Variants in RNF13 observed in about 807,000 individuals in gnomAD.
RNF13 encodes ring finger protein 13, also known as E3 ubiquitin-protein ligase RNF13.
In RNF13, 19 loss-of-function variants were observed where a neutral mutation model predicts 37.7. The ratio of observed to expected loss-of-function variants is 0.50; its 90% CI spans 0.35 to 0.74. The LOEUF is 0.74. Among genes scored for constraint, RNF13 ranks in the 30% least tolerant of loss-of-function variants. The pLI, the probability that RNF13 is intolerant of heterozygous loss-of-function variation, is 0.01. For synonymous variants in RNF13, 144 were observed against 157.8 expected, an observed-to-expected ratio of 0.91 and a Z score of 0.65; for missense variants, 375 against 453.0, an observed-to-expected ratio of 0.83 and a Z score of 1.56.
At chr3:149,939,349 G>A in intron 8 of RNF13, 1 of 455,736 alleles carries the variant, frequency 2.2e-6, no homozygotes, top group Non-Finnish European at 4.2e-6. Context: ...TTTTTCTGTG[G>A]AACTTTTCTG....
intron 1 of RNF13, among the ~76,000 whole-genome samples, chr3:149,828,438 A>G (rs1368341129): frequency 1.3e-5 from 2 of 152,220 alleles, no homozygotes; most frequent in Non-Finnish European, 2.9e-5. Context: ...AATACCTTCA[A>G]GTACACTGTG....
intron 4 of RNF13, among the ~76,000 whole-genome samples, chr3:149,876,003 A>C (rs1474316514): frequency 3.0e-5 from 3 of 99,082 alleles, no homozygotes; most frequent in Non-Finnish European, 6.4e-5. Flanking sequence ...ATACCTAGTA[A>C]TTGAAAGGCC....
intron 3 of RNF13, among the ~76,000 whole-genome samples, chr3:149,864,106 A>G (rs1724555675): frequency 8.1e-6 from 1 of 123,380 alleles, no homozygotes; most frequent in Admixed American, 1.1e-4. Context: ...TTTGATCCTT[A>G]TGTTGAAATC....
chr3:149,836,003 T>C (rs1721588462), intron 1 of RNF13, among the ~76,000 whole-genome samples: 1 of 152,198 alleles, frequency 6.6e-6, no homozygotes, highest in Non-Finnish European at 1.5e-5. Flanking sequence ...TTTACATTCC[T>C]GCCAGCAGTG....
chr3:149,923,023 A>G (rs1459031196), intron 8 of RNF13, among the ~76,000 whole-genome samples: 3 of 152,070 alleles, frequency 2.0e-5, no homozygotes, highest in Admixed American at 2.0e-4. Context: ...AGGCAATAAA[A>G]CATAGTTCTG....
chr3:149,915,305 A>G (rs1424225825), intron 7 of RNF13, among the ~76,000 whole-genome samples: 1 of 152,192 alleles, frequency 6.6e-6, no homozygotes, highest in African/African-American at 2.4e-5. Context: ...ATATCGATGT[A>G]AAAATTCTAG....
chr3:149,850,575 A>C (rs1723039212), intron 2 of RNF13, among the ~76,000 whole-genome samples: 3 of 152,382 alleles, frequency 2.0e-5, no homozygotes, highest in Admixed American at 2.0e-4. Flanking sequence ...TTTAGCTATA[A>C]TAGTGAAACT....
intron 3 of RNF13, among the ~76,000 whole-genome samples, chr3:149,868,779 CTT>C (rs923642810): frequency 3.3e-5 from 5 of 151,754 alleles, no homozygotes; most frequent in Non-Finnish European, 2.9e-5. Context: ...AGGATCCTCT[CTT>C]TGTCCTTGAC....
At chr3:149,848,521 T>C (rs1722851474) in intron 2 of RNF13, among the ~76,000 whole-genome samples, 1 of 152,218 alleles carries the variant, frequency 6.6e-6, no homozygotes, top group Non-Finnish European at 1.5e-5. Context: ...CACCTCCTTT[T>C]AATGCAATAA....
chr3:149,955,804 TTTAC>T (rs1721806832), intron 8 of RNF13, among the ~76,000 whole-genome samples: 1 of 152,218 alleles, frequency 6.6e-6, no homozygotes, highest in African/African-American at 2.4e-5. Context: ...CTATTCTTGG[TTTAC>T]TTGATACCCG....
chr3:149,838,926 G>A (rs912774630), intron 1 of RNF13, among the ~76,000 whole-genome samples: 30 of 118,540 alleles, frequency 2.5e-4, no homozygotes, highest in Middle Eastern at 3.6e-3. Context: ...ATTCCAAACC[G>A]TATTTTTGTG....
intron 8 of RNF13, among the ~76,000 whole-genome samples, chr3:149,948,503 A>C (rs1436271936): frequency 1.3e-5 from 2 of 151,992 alleles, no homozygotes; most frequent in African/African-American, 4.8e-5. Context: ...TATATATTCT[A>C]CAGATATCTT....
intron 1 of RNF13, among the ~76,000 whole-genome samples, chr3:149,828,505 T>C (rs186428108): frequency 1.8e-4 from 28 of 152,378 alleles, no homozygotes; most frequent in Admixed American, 1.6e-3. Flanking sequence ...CATCTTTCCC[T>C]AGTGTTTAAT....
intron 5 of RNF13, 66 bp downstream of exon 5, chr3:149,895,626 G>T (rs1715176276): frequency 1.8e-6 from 2 of 1,103,550 alleles, no homozygotes; most frequent in East Asian, 2.5e-5. Flanking sequence ...AAATTAACAG[G>T]ATTTTCCTTC....
chr3:149,901,920 G>A, intron 5 of RNF13, 152 bp from the exon 6 acceptor site: 1 of 427,716 alleles, frequency 2.3e-6, no homozygotes, highest in Admixed American at 4.5e-5. Flanking sequence ...CCATTTTGAT[G>A]ATGAATAAAA....
chr3:149,894,891 T>TA (rs34962365), intron 4 of RNF13, among the ~76,000 whole-genome samples: 1 of 152,106 alleles, frequency 6.6e-6, no homozygotes, highest in Admixed American at 6.6e-5. Flanking sequence ...ATCTTTCATG[T>TA]AAAAAAATTC....
At chr3:149,828,254 G>C (rs1365610754) in intron 1 of RNF13, among the ~76,000 whole-genome samples, 1 of 152,068 alleles carries the variant, frequency 6.6e-6, no homozygotes, top group African/African-American at 2.4e-5. Context: ...TGTTGTTTTT[G>C]TTTTATTTTA....
At chr3:149,833,369 C>T (rs946047736) in intron 1 of RNF13, among the ~76,000 whole-genome samples, 1 of 152,042 alleles carries the variant, frequency 6.6e-6, no homozygotes, top group Non-Finnish European at 1.5e-5. Flanking sequence ...TGTAAAAATC[C>T]TCAACAAAAT....
chr3:149,937,845 G>A (rs543817584), intron 8 of RNF13, among the ~76,000 whole-genome samples: 20 of 152,160 alleles, frequency 1.3e-4, no homozygotes, highest in Middle Eastern at 3.4e-3. Context: ...GTCCCAGAAT[G>A]TGGTCTCTCC....
Sources: gnomAD v4.1 joint callset for allele counts (sites outside exome capture counted in the v4.1 genomes callset) on GRCh38, gnomAD v4.1.1 for gene constraint, MANE v1.5 for transcripts, NCBI Gene and HGNC (gene_info 2026-07-23, HGNC 2026-07-21) for gene names.